The following BTBD7 variants were observed in gnomAD, a reference collection of about 807,000 sequenced individuals.
BTBD7 encodes BTB/POZ domain-containing protein 7.
Under a neutral mutation model 99.9 loss-of-function variants are expected in BTBD7, and 38 were observed. The observed-to-expected ratio is 0.38, with a 90% CI of 0.29 to 0.50. The LOEUF is 0.50. Ranked by LOEUF, BTBD7 falls within the 20% of genes least tolerant of loss-of-function variation. The pLI is 0.93. For synonymous variants in BTBD7, 520 were observed against 511.4 expected (o/e 1.02, Z -0.23); for missense variants, 1,170 against 1,394.6 (o/e 0.84, Z 2.57).
rs762789222 is a variant in BTBD7 at position 93,242,305 on chromosome 14, G to A, written c.3367C>T (p.Pro1123Ser). ...GCAGACTTTTTGTAGAGGAAGTCCG[G>A]CTTGCTTGGTGACCTCCTTCCTCTG... ...ISRGRRSPSK[P>S]DFLYKKSAL Residue 1123 changes from proline (P) to serine (S), a missense_variant, in exon 11 of 11, where the codon CCG becomes TCG. Physicochemically the swap from Pro to Ser is moderately conservative, Grantham distance 74. Transcript: ENST00000334746. The A allele has an allele frequency of 1.2e-6, 2 of 1,614,008 alleles. No individual in the cohort carries two copies. The highest frequency in any genetic ancestry group is 2.2e-5 in the East Asian group (1 of 44,882).
At chr14:93,329,759 AGTAGAACTGTGG>A (rs1299441339) in intron 1 of BTBD7, among the ~76,000 whole-genome samples, 1 of 152,224 alleles carries the variant, frequency 6.6e-6, no homozygotes, top group Non-Finnish European at 1.5e-5. Context: ...TAAAAGAGAC[AGTAGAACTGTGG>A]GTGCCAGGGG....
rs1259304956 is a variant in BTBD7 at position 93,300,764 on chromosome 14, GTGTGTGTGTA to G, written c.-106-4617_-106-4608del. On this transcript the variant is annotated intron_variant, in intron 1 of 10. Coordinates refer to ENST00000334746, the MANE Select transcript of BTBD7 (RefSeq NM_001002860.4). ...TGTGTGTGTGTGTGTGTGTGTGTGT[GTGTGTGTGTA>G]TATATATATATATTTTTTTTTTGTA... Among the ~76,000 whole-genome samples the G allele has an allele frequency of 4.5e-3, 142 of 31,518 alleles. 6 individuals carry two copies. The highest frequency in any genetic ancestry group is 0.012 in the African/African-American group (41 of 3,556). The allele number at this position is 31,518 out of a possible 152,430, so 20.7% of individuals were successfully genotyped here.
At chr14:93,289,376 G>A (rs1316789558) in intron 3 of BTBD7, among the ~76,000 whole-genome samples, 3 of 152,152 alleles carry the variant, frequency 2.0e-5, no homozygotes, top group African/African-American at 7.2e-5. Flanking sequence ...TGTCTTTTTA[G>A]TTCTATGCTA....
In BTBD7 at chr14:93,241,904, C is replaced by T. The variant is rs1462778215; in HGVS notation, c.*369G>A. 8.3e-6 allele frequency: 2 copies of T among 240,268 alleles called. No homozygotes were observed. The highest frequency in any genetic ancestry group is 4.5e-5 in the African/African-American group (2 of 44,362). The allele number at this position is 240,268 out of a possible 1,614,324, so 14.9% of individuals were successfully genotyped here. On this transcript the variant is annotated 3_prime_UTR_variant, in exon 11 of 11. Coordinates refer to ENST00000334746, the MANE Select transcript of BTBD7 (RefSeq NM_001002860.4). ...TAAAATGCAAAAAAGTATGAAAATA[C>T]AGTCCTTTAAATGTGGCAATAAAGT...
intron 3 of BTBD7, among the ~76,000 whole-genome samples, chr14:93,269,931 G>A (rs1312079320): frequency 6.6e-6 from 1 of 152,108 alleles, no homozygotes; most frequent in East Asian, 1.9e-4. Flanking sequence ...GTGGCAATGA[G>A]AGAGGCCCCA....
chr14:93,292,614 G>A (rs545181862), intron 3 of BTBD7, among the ~76,000 whole-genome samples: 3 of 152,158 alleles, frequency 2.0e-5, no homozygotes, highest in South Asian at 2.1e-4. Flanking sequence ...GTTTATCAAC[G>A]CCTTCTTCTG....
intron 1 of BTBD7, among the ~76,000 whole-genome samples, chr14:93,312,319 A>G (rs2053147199): frequency 6.6e-6 from 1 of 152,242 alleles, no homozygotes; most frequent in Admixed American, 6.5e-5. Flanking sequence ...AATAAAATAT[A>G]TATTTAATGC....
intron 10 of BTBD7, chr14:93,244,366 G>T (rs2052275768): frequency 5.1e-6 from 1 of 195,296 alleles, no homozygotes. Context: ...AAATCTTGAG[G>T]TTGGCCGGGC....
At chr14:93,309,479 G>A (rs1472495466) in intron 1 of BTBD7, among the ~76,000 whole-genome samples, 1 of 150,060 alleles carries the variant, frequency 6.7e-6, no homozygotes, top group Non-Finnish European at 1.5e-5. Context: ...CTCATCTAGT[G>A]TGTGTCTTAT....
intron 1 of BTBD7, among the ~76,000 whole-genome samples, chr14:93,298,823 C>T (rs1247027851): frequency 6.6e-6 from 1 of 152,180 alleles, no homozygotes; most frequent in Non-Finnish European, 1.5e-5. Flanking sequence ...TCAATGGCCC[C>T]ACTGGAGAAA....
rs1315169169 is a variant in BTBD7, at chr14:93,239,284, A to G, written c.*2989T>C. 2 of 152,596 alleles carry G rather than the reference A, an allele frequency of 1.3e-5. No homozygotes were observed. Among genetic ancestry groups the G allele is most frequent in the Non-Finnish European group, 2.9e-5 (2 of 68,040 alleles). The allele number at this position is 152,596 out of a possible 1,614,324, so 9.5% of individuals were successfully genotyped here. On this transcript the variant is annotated 3_prime_UTR_variant, in exon 11 of 11. Transcript: ENST00000334746. ...TCTAGCGTGTAAACGGTAGGTCTCT[A>G]ACCTCAACGCACAGCGGGCACTGGA... is the stretch of plus-strand genomic sequence containing the variant.
intron 6 of BTBD7, 187 bp downstream of exon 6, chr14:93,257,008 C>T (rs1165422819): frequency 3.5e-6 from 2 of 567,876 alleles, no homozygotes; most frequent in Non-Finnish European, 6.0e-6. Context: ...ATTCACTGAA[C>T]ATTTTAACTG....
intron 1 of BTBD7, among the ~76,000 whole-genome samples, chr14:93,325,281 TG>T (rs1479700608): frequency 4.6e-5 from 7 of 152,128 alleles, no homozygotes; most frequent in Non-Finnish European, 7.4e-5. Context: ...ACCAGATTTT[TG>T]TATCTTTAGT....
intron 1 of BTBD7, among the ~76,000 whole-genome samples, chr14:93,303,076 A>T (rs564738097): frequency 1.3e-5 from 2 of 152,326 alleles, no homozygotes; most frequent in South Asian, 4.1e-4. Context: ...CAATAGAGGA[A>T]CTACTGGAAC....
chr14:93,256,247 TTA>T (rs1430754828), intron 6 of BTBD7: 2 of 152,206 alleles, frequency 1.3e-5, no homozygotes, highest in Non-Finnish European at 2.9e-5. Flanking sequence ...TCGTTTATTA[TTA>T]TGTTTTGTTT....
chr14:93,271,208 T>C (rs2052597171), intron 3 of BTBD7, among the ~76,000 whole-genome samples: 1 of 152,220 alleles, frequency 6.6e-6, no homozygotes, highest in South Asian at 2.1e-4. Context: ...TTCTCCTGAA[T>C]ACACTGTCAG....
intron 4 of BTBD7, 83 bp from the exon 5 acceptor site, chr14:93,261,760 A>G: frequency 1.0e-6 from 1 of 969,866 alleles, no homozygotes; most frequent in Non-Finnish European, 1.6e-6. Context: ...TAGGTGGGAA[A>G]TAACAGCATG....
intron 1 of BTBD7, among the ~76,000 whole-genome samples, chr14:93,313,510 A>T (rs1346730319): frequency 1.3e-5 from 2 of 152,202 alleles, no homozygotes; most frequent in African/African-American, 2.4e-5. Context: ...ATGCATTTTT[A>T]AAAGAATATA....
intron 1 of BTBD7, among the ~76,000 whole-genome samples, chr14:93,324,421 C>CAAAAAAAAAATAAT (rs71301935): frequency 1.1e-5 from 1 of 89,958 alleles, no homozygotes; most frequent in South Asian, 3.2e-4. Context: ...GACCCTGTCT[C>CAAAAAAAAAATAAT]AAAAAAAAAA....
Sources: allele counts gnomAD v4.1 joint callset (sites outside exome capture counted in the v4.1 genomes callset), GRCh38; gene constraint gnomAD v4.1.1; transcripts MANE v1.5; gene names NCBI Gene and HGNC (gene_info 2026-07-23, HGNC 2026-07-21).